The following KIF2A variants were observed in gnomAD, a reference collection of about 807,000 sequenced individuals.
KIF2A encodes the protein kinesin family member 2A, also known as kinesin-like protein KIF2A.
Under a neutral mutation model 100.2 loss-of-function variants are expected in KIF2A, and 22 were observed. That is an observed-to-expected ratio of 0.22 (90% CI 0.16 to 0.31). KIF2A has a LOEUF of 0.31. Ranked by LOEUF, KIF2A falls within the 10% of genes least tolerant of loss-of-function variation. KIF2A has a pLI of 1.00. For missense variants in KIF2A, 495 were observed against 898.7 expected (o/e 0.55, Z 5.74); for synonymous variants, 268 against 285.9 (o/e 0.94, Z 0.63).
At chr5:62,356,934 C>T (rs1224196427) in intron 7 of KIF2A, among the ~76,000 whole-genome samples, 1 of 151,958 alleles carries the variant, frequency 6.6e-6, no homozygotes, top group African/African-American at 2.4e-5. Context: ...TACAGGCATG[C>T]ACCACCATGC....
At chr5:62,377,511 G>A (rs572829768) in intron 18 of KIF2A, 150 bp from the exon 19 acceptor site, 21 of 407,276 alleles carry the variant, frequency 5.2e-5, no homozygotes, top group African/African-American at 1.2e-4. Context: ...GAAAGAAATC[G>A]TGGCTTTGCC....
rs1747622566 is a variant in KIF2A at position 62,347,318 on chromosome 5, G to A, written c.159+94G>A. On this transcript the variant is annotated intron_variant, in intron 2 of 20. Coordinates refer to ENST00000407818, the MANE Select transcript of KIF2A (RefSeq NM_001098511.3). ...AAAGTACATAATGTTATTTTATTTA[G>A]TGCATATATTTTTATTATTCCTTGA... The A allele has an allele frequency of 4.4e-6, 3 of 680,728 alleles. No individual in the cohort carries two copies. The South Asian group carries it at 6.3e-5, about 14-fold the overall frequency. 42.2% of individuals were successfully genotyped at this position (680,728 alleles called of 1,614,324 possible). A position where few individuals can be genotyped will look rare whatever the true frequency, so the allele number is the denominator to read the frequency against.
intron 1 of KIF2A, among the ~76,000 whole-genome samples, chr5:62,319,538 G>A (rs927807533): frequency 6.6e-6 from 1 of 152,130 alleles, no homozygotes; most frequent in African/African-American, 2.4e-5. Context: ...TGTTTGCTCT[G>A]TCAAAAAACT....
chr5:62,333,506 G>A (rs1020537041), intron 1 of KIF2A, among the ~76,000 whole-genome samples: 1 of 152,188 alleles, frequency 6.6e-6, no homozygotes, highest in Non-Finnish European at 1.5e-5. Context: ...ATCTGTGCAA[G>A]TTTAGTGAGA....
Position 62,390,596 on chromosome 5 carries a change from A to C in KIF2A, c.*5027A>C, listed in dbSNP as rs1742258282. Among the ~76,000 whole-genome samples, 2 of 152,182 alleles carry C rather than the reference A, an allele frequency of 1.3e-5. 1 individual carries two copies. Among genetic ancestry groups the C allele is most frequent in the South Asian group, 4.1e-4 (2 of 4,834 alleles). Reference sequence around the variant, plus strand: ...AGAGTTGGGGAAGGAGCAGGAAGGGAGGAACCTGCACACCACATTGGAACC... The same window carrying C: ...AGAGTTGGGGAAGGAGCAGGAAGGGCGGAACCTGCACACCACATTGGAACC... On this transcript the variant is annotated 3_prime_UTR_variant, in exon 21 of 21. Transcript: ENST00000407818.
At chr5:62,383,116 C>T (rs959545265) in intron 20 of KIF2A, among the ~76,000 whole-genome samples, 5 of 147,012 alleles carry the variant, frequency 3.4e-5, no homozygotes, top group South Asian at 4.3e-4. Context: ...TAGTAGAGAC[C>T]GGGTTTCACC....
intron 19 of KIF2A, 31 bp downstream of exon 19, chr5:62,377,793 A>G: frequency 8.9e-7 from 1 of 1,121,538 alleles, no homozygotes; most frequent in Non-Finnish European, 1.3e-6. Context: ...CCTTCAAAAT[A>G]TTTCTTGAGA....
At chr5:62,330,178 C>G (rs543154227) in intron 1 of KIF2A, among the ~76,000 whole-genome samples, 9 of 152,138 alleles carry the variant, frequency 5.9e-5, no homozygotes, top group African/African-American at 1.4e-4. Flanking sequence ...TGGCAAAAAC[C>G]TGTCTGTACA....
At chr5:62,344,335 C>T (rs1056957308) in intron 1 of KIF2A, among the ~76,000 whole-genome samples, 5 of 143,816 alleles carry the variant, frequency 3.5e-5, no homozygotes, top group East Asian at 2.1e-4. Flanking sequence ...TGACAGAGCG[C>T]GACTCCATCT....
intron 11 of KIF2A, among the ~76,000 whole-genome samples, chr5:62,361,877 C>G (rs528200212): frequency 2.0e-5 from 3 of 151,198 alleles, no homozygotes; most frequent in African/African-American, 7.3e-5. Flanking sequence ...CAAAAAAAAA[C>G]TTAGCCAGGC....
In KIF2A at chr5:62,386,253, A is replaced by G. The variant is rs1450050806; in HGVS notation, c.*684A>G. ...TATAGCTGCTGGACCATTCCATCTT[A>G]TATGTAAAGAAATCTGGAATTATTA... On this transcript the variant is annotated 3_prime_UTR_variant, in exon 21 of 21. Coordinates refer to ENST00000407818, the MANE Select transcript of KIF2A (RefSeq NM_001098511.3). The G allele has an allele frequency of 1.3e-5, 2 of 152,656 alleles. No homozygotes were observed. Among genetic ancestry groups the G allele is most frequent in the Non-Finnish European group, 2.9e-5 (2 of 68,050 alleles). 9.5% of individuals were successfully genotyped at this position (152,656 alleles called of 1,614,324 possible). A position where few individuals can be genotyped will look rare whatever the true frequency, so the allele number is the denominator to read the frequency against.
intron 5 of KIF2A, 64 bp from the exon 6 acceptor site, chr5:62,353,211 A>G (rs1580064232): frequency 7.1e-6 from 6 of 843,640 alleles, no homozygotes; most frequent in Non-Finnish European, 1.1e-5. Flanking sequence ...ATACATAAAA[A>G]AAGTTTAATA....
chr5:62,370,705 G>A (rs544245145), intron 16 of KIF2A, among the ~76,000 whole-genome samples: 1 of 152,254 alleles, frequency 6.6e-6, no homozygotes, highest in Non-Finnish European at 1.5e-5. Context: ...ATAGACAGTG[G>A]CCTCTATCCT....
chr5:62,307,689 C>T (rs1305975511), intron 1 of KIF2A, among the ~76,000 whole-genome samples: 4 of 151,256 alleles, frequency 2.6e-5, no homozygotes, highest in Non-Finnish European at 4.4e-5. Flanking sequence ...GCGATCTCGG[C>T]CCACTGCAAC....
At chr5:62,339,437 G>C (rs1021518846) in intron 1 of KIF2A, among the ~76,000 whole-genome samples, 2 of 151,050 alleles carry the variant, frequency 1.3e-5, no homozygotes, top group African/African-American at 2.4e-5. Flanking sequence ...AGGCAGGGAT[G>C]AATATACAAA....
intron 1 of KIF2A, among the ~76,000 whole-genome samples, chr5:62,315,463 A>G (rs1346658386): frequency 6.6e-6 from 1 of 152,234 alleles, no homozygotes; most frequent in Non-Finnish European, 1.5e-5. Flanking sequence ...CTAACAGAGT[A>G]TCTGACAAGA....
chr5:62,346,042 G>A (rs1042653013), intron 1 of KIF2A, among the ~76,000 whole-genome samples: 3 of 151,974 alleles, frequency 2.0e-5, no homozygotes, highest in Non-Finnish European at 4.4e-5. Flanking sequence ...ATTCATTGCA[G>A]TGTTTATAAT....
chr5:62,314,049 C>T (rs781257108), intron 1 of KIF2A, among the ~76,000 whole-genome samples: 1 of 152,132 alleles, frequency 6.6e-6, no homozygotes, highest in African/African-American at 2.4e-5. Flanking sequence ...TCTTTGGCCT[C>T]CCAAAGTACT....
intron 1 of KIF2A, among the ~76,000 whole-genome samples, chr5:62,345,528 T>A (rs960151623): frequency 7.3e-5 from 11 of 151,120 alleles, no homozygotes; most frequent in African/African-American, 2.7e-4. Context: ...TCGGGCACAG[T>A]GGCTCACACC....
Sources: gnomAD v4.1 joint callset for allele counts (sites outside exome capture counted in the v4.1 genomes callset) on GRCh38, gnomAD v4.1.1 for gene constraint, MANE v1.5 for transcripts, NCBI Gene and HGNC (gene_info 2026-07-23, HGNC 2026-07-21) for gene names.